NXN: variants seen among roughly 807,000 people sequenced by gnomAD.
NXN encodes nucleoredoxin.
In NXN, 16 loss-of-function variants were observed where a neutral mutation model predicts 48.6. The ratio of observed to expected loss-of-function variants is 0.33; its 90% confidence interval spans 0.22 to 0.50. NXN has a LOEUF of 0.50. NXN is among the 20% of genes least tolerant of loss of function. The pLI is 0.98. For missense variants in NXN, 492 were observed against 605.5 expected (o/e 0.81, Z 1.97); for synonymous variants, 281 against 269.6 (o/e 1.04, Z -0.41).
rs575234227 is a variant in NXN at position 817,414 on chromosome 17, A to C, written c.820+2025T>G. Among the ~76,000 whole-genome samples the C allele has an allele frequency of 1.1e-3, 169 of 152,164 alleles. 1 individual carries two copies. The highest frequency in any genetic ancestry group is 3.9e-3 in the African/African-American group (161 of 41,458). On this transcript the variant is annotated intron_variant, in intron 5 of 7. Coordinates refer to ENST00000336868, the MANE Select transcript of NXN (RefSeq NM_022463.5). ...GCCAGACGTGGTGGCTCACGCCTGTAATCCCAGCACTTTGGGAGGCCGAGG... is the reference window on the plus strand; with the variant it reads ...GCCAGACGTGGTGGCTCACGCCTGTCATCCCAGCACTTTGGGAGGCCGAGG...
At chr17:973,378 A>G (rs2069415005) in intron 1 of NXN, among the ~76,000 whole-genome samples, 2 of 152,236 alleles carry the variant, frequency 1.3e-5, no homozygotes, top group South Asian at 4.1e-4. Context: ...AAACAGGGTC[A>G]GCGGAAGACA....
At chr17:934,924 T>C (rs1347043335) in intron 1 of NXN, among the ~76,000 whole-genome samples, 1 of 152,256 alleles carries the variant, frequency 6.6e-6, no homozygotes, top group East Asian at 1.9e-4. Context: ...GCGGACTGTC[T>C]GGACAGAGTC....
At chr17:883,193 C>T (rs1055257252) in intron 1 of NXN, among the ~76,000 whole-genome samples, 3 of 152,200 alleles carry the variant, frequency 2.0e-5, no homozygotes, top group Non-Finnish European at 1.5e-5. Flanking sequence ...TCCTATCTCT[C>T]CTGCCCATTC....
intron 1 of NXN, among the ~76,000 whole-genome samples, chr17:901,043 C>T (rs1202331004): frequency 1.3e-5 from 2 of 151,622 alleles, no homozygotes; most frequent in Non-Finnish European, 2.9e-5. Flanking sequence ...GCCTCAGCCT[C>T]CCGAGTAGCT....
rs2150624223 is a variant in NXN, at chr17:956,977, AT to A, written c.360+22341del. Among the ~76,000 whole-genome samples the A allele has an allele frequency of 6.6e-6, 1 of 152,246 alleles. No individual in the cohort carries two copies. Among genetic ancestry groups the A allele is most frequent in the African/African-American group, 2.4e-5 (1 of 41,538 alleles). ...ATCACCCAGAAAAAACTCTAAATTT[AT>A]AGGTATATATATTTCATGCCTTATC... On this transcript the variant is annotated intron_variant, in intron 1 of 7. Coordinates refer to ENST00000336868, the MANE Select transcript of NXN (RefSeq NM_022463.5). The surrounding 1 kb of genome is among the most constrained non-coding windows in gnomAD (Gnocchi z 4.1).
chr17:968,025 A>G (rs2069327845), intron 1 of NXN, among the ~76,000 whole-genome samples: 1 of 152,040 alleles, frequency 6.6e-6, no homozygotes, highest in African/African-American at 2.4e-5. Flanking sequence ...CTAACTGGAT[A>G]TTTGCTGAAA....
At chr17:941,646 C>G (rs201925886) in intron 1 of NXN, among the ~76,000 whole-genome samples, 2 of 29,252 alleles carry the variant, frequency 6.8e-5, no homozygotes, top group East Asian at 1.9e-3. Context: ...GGATTTACAG[C>G]GAACAAGATT....
intron 1 of NXN, among the ~76,000 whole-genome samples, chr17:828,185 C>T (rs1483071643): frequency 6.6e-6 from 1 of 152,096 alleles, no homozygotes; most frequent in Non-Finnish European, 1.5e-5. Context: ...CTCACTGCAA[C>T]CTCCACCTCT....
rs1490941909 is a variant in NXN, at chr17:917,357, G to T, written c.360+61962C>A. ...GGGGTTTCACCATGTTGGCCAGGCT[G>T]GTCTCAATCTCTTGACCTCGTGATC... On this transcript the variant is annotated intron_variant, in intron 1 of 7. Coordinates refer to ENST00000336868, the MANE Select transcript of NXN (RefSeq NM_022463.5). This position sits in a 1 kb window ranked among gnomAD's most constrained non-coding sequence, Gnocchi z 4.5. 5.9e-5 allele frequency among the ~76,000 whole-genome samples: 9 copies of T among 152,206 alleles called. No individual in the cohort carries two copies. Among genetic ancestry groups the T allele is most frequent in the Non-Finnish European group, 1.0e-4 (7 of 68,040 alleles).
intron 5 of NXN, among the ~76,000 whole-genome samples, chr17:812,361 G>A (rs1912110236): frequency 6.6e-6 from 1 of 152,210 alleles, no homozygotes; most frequent in South Asian, 2.1e-4. Flanking sequence ...GCTCCCTTTG[G>A]GTGCAGGCAG....
intron 1 of NXN, among the ~76,000 whole-genome samples, chr17:889,755 G>GAAAC (rs1430852171): frequency 1.2e-4 from 11 of 92,154 alleles, no homozygotes; most frequent in African/African-American, 6.7e-4. Flanking sequence ...AAGAAAGAAA[G>GAAAC]AAAGAAAAAG....
chr17:972,079 C>A (rs543970111), intron 1 of NXN, among the ~76,000 whole-genome samples: 11 of 152,116 alleles, frequency 7.2e-5, no homozygotes, highest in African/African-American at 2.7e-4. Context: ...GGCAGGCGGA[C>A]CACCTAAGGT....
chr17:931,065 G>A (rs1341671009), intron 1 of NXN, among the ~76,000 whole-genome samples: 4 of 152,106 alleles, frequency 2.6e-5, no homozygotes, highest in Non-Finnish European at 4.4e-5. Flanking sequence ...CACCGCACCC[G>A]GCTGGTGAGT....
chr17:959,411 C>G (rs1295509922), intron 1 of NXN: 1 of 204,072 alleles, frequency 4.9e-6, no homozygotes, highest in Admixed American at 6.0e-5. Context: ...CAGGGCGCCA[C>G]TGGCCTGAGG....
Position 932,504 on chromosome 17 carries a change from C to T in NXN, c.360+46815G>A, listed in dbSNP as rs947614442. ...ACTCTGAGGCGGCGTTGGGTCCAGTCGTCGTCTCCTCAGCGAGTAAGGCAG... is the reference window on the plus strand; with the variant it reads ...ACTCTGAGGCGGCGTTGGGTCCAGTTGTCGTCTCCTCAGCGAGTAAGGCAG... On this transcript the variant is annotated intron_variant, in intron 1 of 7. Coordinates refer to ENST00000336868, the MANE Select transcript of NXN (RefSeq NM_022463.5). The surrounding 1 kb of genome is among the most constrained non-coding windows in gnomAD (Gnocchi z 4.1). 3.3e-5 allele frequency among the ~76,000 whole-genome samples: 5 copies of T among 152,204 alleles called. No individual in the cohort carries two copies. The highest frequency in any genetic ancestry group is 7.2e-5 in the African/African-American group (3 of 41,454).
At chr17:812,890 A>G (rs573715900) in intron 5 of NXN, among the ~76,000 whole-genome samples, 1 of 123,338 alleles carries the variant, frequency 8.1e-6, no homozygotes, top group Non-Finnish European at 1.7e-5. Flanking sequence ...GCACATGTGA[A>G]TGTAGGTGTG....
At chr17:868,165 C>G (rs1472286318) in intron 1 of NXN, among the ~76,000 whole-genome samples, 2 of 152,152 alleles carry the variant, frequency 1.3e-5, no homozygotes, top group Non-Finnish European at 2.9e-5. Flanking sequence ...CCCTGGGAAC[C>G]ATTCCCCAGA....
At chr17:827,203 G>T (rs1913154229) in intron 1 of NXN, among the ~76,000 whole-genome samples, 1 of 152,150 alleles carries the variant, frequency 6.6e-6, no homozygotes, top group Non-Finnish European at 1.5e-5. Context: ...AATTAGCTGG[G>T]CGTGGTGGCT....
intron 5 of NXN, among the ~76,000 whole-genome samples, chr17:815,921 G>A (rs1912446532): frequency 6.6e-6 from 1 of 152,170 alleles, no homozygotes; most frequent in African/African-American, 2.4e-5. Flanking sequence ...TGTGACCGGC[G>A]GGCCTTTGTT....
Sources: allele counts gnomAD v4.1 joint callset (sites outside exome capture counted in the v4.1 genomes callset), GRCh38; gene constraint gnomAD v4.1.1; non-coding constraint Gnocchi (gnomAD v3.1); transcripts MANE v1.5; gene names NCBI Gene and HGNC (gene_info 2026-07-23, HGNC 2026-07-21).